PTGES: variants seen among roughly 807,000 people sequenced by gnomAD.
PTGES encodes the protein MGST1-like 1.
PTGES carries 3 observed loss-of-function variants against 11.8 expected under a neutral mutation model. The observed-to-expected ratio is 0.25, with a 90% confidence interval of 0.12 to 0.66. PTGES has a LOEUF of 0.66. PTGES is among the 30% of genes least tolerant of loss of function. The probability of loss-of-function intolerance (pLI) is 0.82; values close to 1 mark genes in which losing one functional copy is unlikely to be tolerated. For synonymous variants in PTGES, 94 were observed against 90.4 expected, an observed-to-expected ratio of 1.04 and a Z score of -0.22; for missense variants, 180 against 213.0, an observed-to-expected ratio of 0.85 and a Z score of 0.96.
rs568394491 is a variant in PTGES at position 129,740,382 on chromosome 9, G to A, written c.210-522C>T. ...GAATGCAGCTTCCTGGGCCCCTCCC[G>A]AGTAGAAGGGGCTAGAGCCCAAGAG... On this transcript the variant is annotated intron_variant, in intron 2 of 2. Coordinates refer to ENST00000340607, the MANE Select transcript of PTGES (RefSeq NM_004878.5). Among the ~76,000 whole-genome samples, 12 of 152,262 alleles carry A rather than the reference G, an allele frequency of 7.9e-5. 1 individual carries two copies. The highest frequency in any genetic ancestry group is 6.5e-4 in the Admixed American group (10 of 15,294).
intron 2 of PTGES, among the ~76,000 whole-genome samples, chr9:129,740,984 C>T (rs796693112): frequency 1.3e-5 from 2 of 152,188 alleles, no homozygotes; most frequent in East Asian, 1.9e-4. Flanking sequence ...AGTGGGGACC[C>T]GCTGCAGGGT....
At chr9:129,743,623 C>T (rs1355762640) in intron 2 of PTGES, among the ~76,000 whole-genome samples, 1 of 152,196 alleles carries the variant, frequency 6.6e-6, no homozygotes, top group East Asian at 1.9e-4. Context: ...CCTCTTCTCT[C>T]CCCCAGCCCT....
Position 129,752,981 on chromosome 9 carries a change from G to T in PTGES, c.32C>A (p.Pro11Gln). Residue 11 changes from proline (P) to glutamine (Q), a missense_variant, in exon 1 of 3, where the codon CCG becomes CAG. Transcript: ENST00000340607. Reference sequence around the variant, plus strand: ...GCAGAGCAGGAAGGCCGGGAGGGCCGGGCTGCTCATCACCAGGCTGTGGGC... The same window carrying T: ...GCAGAGCAGGAAGGCCGGGAGGGCCTGGCTGCTCATCACCAGGCTGTGGGC... MPAHSLVMSS[P>Q]ALPAFLLCST... 1 of 1,609,606 alleles carries T rather than the reference G, an allele frequency of 6.2e-7. No individual in the cohort carries two copies.
intron 2 of PTGES, 110 bp downstream of exon 2, chr9:129,748,545 A>G (rs1833069343): frequency 1.3e-6 from 1 of 787,688 alleles, no homozygotes; most frequent in East Asian, 3.4e-5. Context: ...GATCAGGAAC[A>G]CAGAAAACCT....
At chr9:129,751,866 C>T (rs1421684071) in intron 1 of PTGES, among the ~76,000 whole-genome samples, 1 of 152,210 alleles carries the variant, frequency 6.6e-6, no homozygotes, top group Non-Finnish European at 1.5e-5. Context: ...AGCTCCGGGC[C>T]ACATTCGGTC....
intron 2 of PTGES, among the ~76,000 whole-genome samples, chr9:129,741,595 C>T (rs911222976): frequency 6.6e-6 from 1 of 152,206 alleles, no homozygotes; most frequent in Non-Finnish European, 1.5e-5. Flanking sequence ...TGGATAGATC[C>T]TGGGGTACTG....
At chr9:129,740,193 G>T (rs1832982433) in intron 2 of PTGES, among the ~76,000 whole-genome samples, 1 of 152,094 alleles carries the variant, frequency 6.6e-6, no homozygotes, top group Non-Finnish European at 1.5e-5. Flanking sequence ...TTCCTCTCTA[G>T]CCCTTGGATA....
Position 129,752,900 on chromosome 9 carries a change from C to T in PTGES, c.113G>A (p.Arg38Lys). ...YVVAIITGQVRLRKKAFANPE... is the reference protein window; with the variant it reads ...YVVAIITGQVKLRKKAFANPE... ...GGAGGCACATACCTTCTTCCGCAGC[C>T]TCACTTGGCCCGTGATGATGGCCAC... is the stretch of plus-strand genomic sequence containing the variant. Residue 38 changes from arginine to lysine, a missense_variant, in exon 1 of 3, where the codon AGG becomes AAG. Transcript: ENST00000340607. 1.2e-6 allele frequency: 2 copies of T among 1,614,016 alleles called. No homozygotes were observed. The highest frequency in any genetic ancestry group is 1.7e-6 in the Non-Finnish European group (2 of 1,180,046).
Position 129,752,872 on chromosome 9 carries a change from C to G in PTGES, c.126+15G>C, listed in dbSNP as rs755182522. 1.9e-6 allele frequency: 3 copies of G among 1,613,966 alleles called. No individual in the cohort carries two copies. Among genetic ancestry groups the G allele is most frequent in the Non-Finnish European group, 2.5e-6 (3 of 1,180,034 alleles). ...AAGTATGACCCAGGCCGGGGACCCC[C>G]AGGGAGGCACATACCTTCTTCCGCA... On this transcript the variant is annotated intron_variant, in intron 1 of 2. Transcript: ENST00000340607.
In PTGES at chr9:129,752,542, G is replaced by A. The variant is rs1425653318; in HGVS notation, c.126+345C>T. Among the ~76,000 whole-genome samples, 6 of 152,204 alleles carry A rather than the reference G, an allele frequency of 3.9e-5. No homozygotes were observed. In the South Asian group the frequency reaches 8.3e-4, roughly 21 times the overall value. ...ACTCCACCCAGATATCAGACCTCCCGTGCCGGGAAGCCACCAGGTTAGACA... is the reference window on the plus strand; with the variant it reads ...ACTCCACCCAGATATCAGACCTCCCATGCCGGGAAGCCACCAGGTTAGACA... On this transcript the variant is annotated intron_variant, in intron 1 of 2. Transcript: ENST00000340607.
rs1377035706 is a variant in PTGES at position 129,740,524 on chromosome 9, T to C, written c.210-664A>G. Among the ~76,000 whole-genome samples the C allele has an allele frequency of 3.9e-5, 6 of 152,190 alleles. No individual in the cohort carries two copies. The East Asian group carries it at 1.2e-3, about 29-fold the overall frequency. On this transcript the variant is annotated intron_variant, in intron 2 of 2. Transcript: ENST00000340607. ...GCTCCCACTCACTGGAGCCAACCGATGGCCAGCCCCCGGTGAAGCTCTTCA... is the reference window on the plus strand; with the variant it reads ...GCTCCCACTCACTGGAGCCAACCGACGGCCAGCCCCCGGTGAAGCTCTTCA...
chr9:129,742,093 G>A (rs919519707), intron 2 of PTGES, among the ~76,000 whole-genome samples: 2 of 151,836 alleles, frequency 1.3e-5, no homozygotes, highest in South Asian at 2.1e-4. Context: ...TGAGGCTGGT[G>A]GATCACTTGA....
intron 2 of PTGES, among the ~76,000 whole-genome samples, chr9:129,743,219 G>A (rs1430843722): frequency 2.0e-5 from 3 of 152,142 alleles, no homozygotes; most frequent in Admixed American, 6.5e-5. Context: ...TCCCTCACTC[G>A]TCTGGTCTGT....
At position 129,739,937 on chromosome 9, in the gene PTGES, C is replaced by T; in HGVS notation, c.210-77G>A. 6.7e-7 allele frequency: 1 copy of T among 1,491,582 alleles called. No individual in the cohort carries two copies. Among genetic ancestry groups the T allele is most frequent in the Non-Finnish European group, 9.0e-7 (1 of 1,115,448 alleles). The allele number at this position is 1,491,582 out of a possible 1,614,324, so 92.4% of individuals were successfully genotyped here. On this transcript the variant is annotated intron_variant, in intron 2 of 2. Coordinates refer to ENST00000340607, the MANE Select transcript of PTGES (RefSeq NM_004878.5). The surrounding 1 kb of genome is among the most constrained non-coding windows in gnomAD (Gnocchi z 5.7). Reference sequence around the variant, plus strand: ...GGCCCTTTTGAGAGTGTCATGGAAGCTGGGGGTGCTTTGACCCACTGGGGG... The same window carrying T: ...GGCCCTTTTGAGAGTGTCATGGAAGTTGGGGGTGCTTTGACCCACTGGGGG...
chr9:129,750,403 C>G (rs183481969), intron 1 of PTGES, among the ~76,000 whole-genome samples: 1 of 152,286 alleles, frequency 6.6e-6, no homozygotes, highest in Non-Finnish European at 1.5e-5. Flanking sequence ...CTCTGCTGGC[C>G]CTGAAATCAG....
rs1233129561 is a variant in PTGES at position 129,748,720 on chromosome 9, C to T, written c.144G>A (p.Glu48=). 2.2e-5 allele frequency: 35 copies of T among 1,591,610 alleles called. No individual in the cohort carries two copies. The highest frequency in any genetic ancestry group is 3.0e-5 in the Non-Finnish European group (35 of 1,172,166). Residue 48 remains glutamate, a synonymous_variant, in exon 2 of 3, where the codon GAG becomes GAA. Coordinates refer to ENST00000340607, the MANE Select transcript of PTGES (RefSeq NM_004878.5). ...GGGGGCCTCCGTGTCTCAGGGCATC[C>T]TCGGGGTTGGCAAAGGCCTGAAATA... The part of the protein sequence containing the change: ...RLRKKAFANP[E]DALRHGGPQY...
chr9:129,741,179 G>C (rs1336063914), intron 2 of PTGES, among the ~76,000 whole-genome samples: 3 of 152,342 alleles, frequency 2.0e-5, no homozygotes, highest in African/African-American at 7.2e-5. Flanking sequence ...ATGATGAGAA[G>C]CTGGCCCTGC....
rs990164135 is a variant in PTGES at position 129,748,553 on chromosome 9, C to T, written c.209+102G>A. On this transcript the variant is annotated intron_variant, in intron 2 of 2. Coordinates refer to ENST00000340607, the MANE Select transcript of PTGES (RefSeq NM_004878.5). Reference sequence around the variant, plus strand: ...CAGAGAAGATCAGGAACACAGAAAACCTCAGCCCCTGGGAGTCCTCCAAGT... The same window carrying T: ...CAGAGAAGATCAGGAACACAGAAAATCTCAGCCCCTGGGAGTCCTCCAAGT... 1.1e-5 allele frequency: 10 copies of T among 874,782 alleles called. No homozygotes were observed. The Admixed American group carries it at 3.7e-4, about 32-fold the overall frequency. The allele number at this position is 874,782 out of a possible 1,614,324, so 54.2% of individuals were successfully genotyped here.
intron 2 of PTGES, among the ~76,000 whole-genome samples, 191 bp downstream of exon 2, chr9:129,748,464 C>T (rs947286330): frequency 1.3e-5 from 2 of 152,186 alleles, no homozygotes; most frequent in Admixed American, 6.5e-5. Flanking sequence ...AATTATGAGT[C>T]ATGACCACGT....
Sources: gnomAD v4.1 joint callset for allele counts (sites outside exome capture counted in the v4.1 genomes callset) on GRCh38, gnomAD v4.1.1 for gene constraint, Gnocchi (gnomAD v3.1) non-coding constraint, MANE v1.5 for transcripts, NCBI Gene and HGNC (gene_info 2026-07-23, HGNC 2026-07-21) for gene names.